The following ADCY5 variants were observed in gnomAD, a reference collection of about 807,000 sequenced individuals.
ADCY5 encodes adenylate cyclase type 5.
Under a neutral mutation model 119.7 loss-of-function variants are expected in ADCY5, and 30 were observed. That is an observed-to-expected ratio of 0.25 (90% CI 0.19 to 0.34). ADCY5 has a LOEUF of 0.34. Ranked by LOEUF, ADCY5 falls within the 10% of genes least tolerant of loss-of-function variation. The pLI is 1.00. For synonymous variants in ADCY5, 753 were observed against 762.2 expected, an observed-to-expected ratio of 0.99 and a Z score of 0.20; for missense variants, 1,324 against 1,775.2, an observed-to-expected ratio of 0.75 and a Z score of 4.57.
intron 2 of ADCY5, among the ~76,000 whole-genome samples, chr3:123,349,773 G>C (rs946953167): frequency 6.6e-6 from 1 of 152,120 alleles, no homozygotes; most frequent in African/African-American, 2.4e-5. Context: ...TTGCCGCCCA[G>C]GCCACCTTCA....
intron 1 of ADCY5, among the ~76,000 whole-genome samples, chr3:123,442,605 A>G (rs975817755): frequency 4.6e-5 from 7 of 152,234 alleles, no homozygotes; most frequent in Admixed American, 4.6e-4. Flanking sequence ...CCCACAGCAC[A>G]CAGAACTCAT....
At position 123,448,302 on chromosome 3, in the gene ADCY5, G is replaced by A. The variant is rs1261754830; in HGVS notation, c.244C>T (p.Pro82Ser). Residue 82 changes from proline (P) to serine (S), a missense_variant, in exon 1 of 21, where the codon CCG (proline) becomes TCG (serine). Pro to Ser is a moderately conservative substitution (Grantham distance 74). Transcript: ENST00000462833. ...RWRSDDDDDP[P>S]LSGDDPLAGG... ...GCCAGGGGGTCGTCACCGCTCAGCGGAGGATCGTCGTCGTCGTCGCTGCGC... is the reference window on the plus strand; with the variant it reads ...GCCAGGGGGTCGTCACCGCTCAGCGAAGGATCGTCGTCGTCGTCGCTGCGC... 22 of 1,540,766 alleles carry A rather than the reference G, an allele frequency of 1.4e-5. No homozygotes were observed. Among genetic ancestry groups the A allele is most frequent in the Non-Finnish European group, 1.8e-5 (21 of 1,154,364 alleles).
At chr3:123,349,002 C>T (rs1053401226) in intron 2 of ADCY5, among the ~76,000 whole-genome samples, 1 of 152,184 alleles carries the variant, frequency 6.6e-6, no homozygotes, top group Non-Finnish European at 1.5e-5. Context: ...CCTCTGTCCT[C>T]GCCCCATTCA....
intron 11 of ADCY5, among the ~76,000 whole-genome samples, chr3:123,316,607 C>T (rs965526203): frequency 6.6e-5 from 10 of 152,126 alleles, no homozygotes; most frequent in Non-Finnish European, 1.5e-4. Context: ...GTACTGGCTT[C>T]GGGGACTCTT....
rs57503913 is a variant in ADCY5, at chr3:123,439,076, C to CTTTTTTTTTTTTTTTTTTTTT, written c.1134+8335_1134+8336insAAAAAAAAAAAAAAAAAAAAA. On this transcript the variant is annotated intron_variant, in intron 1 of 20. Transcript: ENST00000462833. ...CCCACTGTGCCCAGACCCTAAAGTGCTTTTTTTTTTGAGATGGAGTCTCGC... is the reference window on the plus strand; with the variant it reads ...CCCACTGTGCCCAGACCCTAAAGTGCTTTTTTTTTTTTTTTTTTTTTTTTTTTTTTTGAGATGGAGTCTCGC... 1.7e-3 allele frequency among the ~76,000 whole-genome samples: 108 copies of CTTTTTTTTTTTTTTTTTTTTT among 64,732 alleles called. 31 individuals are homozygous for CTTTTTTTTTTTTTTTTTTTTT. The highest frequency in any genetic ancestry group is 1.8e-3 in the Non-Finnish European group (68 of 38,556). 42.5% of individuals were successfully genotyped at this position (64,732 alleles called of 152,430 possible).
intron 8 of ADCY5, 110 bp downstream of exon 8, chr3:123,325,212 G>T: frequency 7.2e-7 from 1 of 1,393,800 alleles, no homozygotes; most frequent in Non-Finnish European, 9.8e-7. Context: ...TGCTTGTGTG[G>T]CTCCCCAGAT....
rs1244373091 is a variant in ADCY5, at chr3:123,408,386, G to A, written c.1134+39026C>T. ...TTAAAGGCAGACGTTGGCCGGGCACGGTGGCTCACGCCTGTAATCCAAGCA... is the reference window on the plus strand; with the variant it reads ...TTAAAGGCAGACGTTGGCCGGGCACAGTGGCTCACGCCTGTAATCCAAGCA... On this transcript the variant is annotated intron_variant, in intron 1 of 20. Transcript: ENST00000462833. Among the ~76,000 whole-genome samples, 6 of 150,980 alleles carry A rather than the reference G, an allele frequency of 4.0e-5. No individual in the cohort carries two copies. In the East Asian group the frequency reaches 1.2e-3, roughly 29 times the overall value.
chr3:123,343,886 C>T (rs2108461416), intron 3 of ADCY5, among the ~76,000 whole-genome samples: 1 of 152,314 alleles, frequency 6.6e-6, no homozygotes, highest in African/African-American at 2.4e-5. Context: ...CCATTTGTCA[C>T]CACACGTCAG....
intron 1 of ADCY5, among the ~76,000 whole-genome samples, chr3:123,363,600 G>C (rs1200122326): frequency 6.6e-6 from 1 of 152,138 alleles, no homozygotes; most frequent in Non-Finnish European, 1.5e-5. Flanking sequence ...AAAAACTAGA[G>C]AACAGTTAAA....
intron 11 of ADCY5, 42 bp from the exon 12 acceptor site, chr3:123,314,364 G>T: frequency 6.6e-7 from 1 of 1,518,770 alleles, no homozygotes; most frequent in South Asian, 1.2e-5. Context: ...AGGCTCAGGT[G>T]GCAGGGCTGC....
rs757508701 is a variant in ADCY5, at chr3:123,447,544, G to A, written c.1002C>T (p.Phe334=). The A allele has an allele frequency of 6.2e-7, 1 of 1,609,964 alleles. No individual in the cohort carries two copies. The highest frequency in any genetic ancestry group is 1.1e-5 in the South Asian group (1 of 90,942). Reference sequence around the variant, plus strand: ...GCAGCGTGTAGATGGTGTAGATGAAGAACACGGTCCACCAGATGCCCTCAG... The same window carrying A: ...GCAGCGTGTAGATGGTGTAGATGAAAAACACGGTCCACCAGATGCCCTCAG... ...SASEGIWWTV[F]FIYTIYTLLP... Residue 334 remains phenylalanine, a synonymous_variant, in exon 1 of 21, where the codon TTC becomes TTT. Transcript: ENST00000462833.
At chr3:123,421,237 T>G (rs1276864750) in intron 1 of ADCY5, among the ~76,000 whole-genome samples, 3 of 152,128 alleles carry the variant, frequency 2.0e-5, no homozygotes, top group Non-Finnish European at 4.4e-5. Context: ...CTTCGTAGGG[T>G]TTACCAGGTG....
intron 3 of ADCY5, among the ~76,000 whole-genome samples, chr3:123,345,271 C>T (rs1436196352): frequency 6.6e-6 from 1 of 152,198 alleles, no homozygotes; most frequent in African/African-American, 2.4e-5. Flanking sequence ...TGAGAGAGGG[C>T]AAGAACTGGG....
At chr3:123,443,119 G>C (rs1221140418) in intron 1 of ADCY5, among the ~76,000 whole-genome samples, 1 of 152,238 alleles carries the variant, frequency 6.6e-6, no homozygotes, top group African/African-American at 2.4e-5. Context: ...TGATCCACCA[G>C]ACAGGCCTCT....
intron 1 of ADCY5, among the ~76,000 whole-genome samples, chr3:123,429,903 C>T (rs995612550): frequency 3.3e-5 from 5 of 152,274 alleles, no homozygotes; most frequent in South Asian, 2.1e-4. Flanking sequence ...CCTGCCCCAA[C>T]GGCTGCCCTG....
intron 3 of ADCY5, among the ~76,000 whole-genome samples, chr3:123,336,551 C>T (rs1942035291): frequency 6.6e-6 from 1 of 152,200 alleles, no homozygotes; most frequent in Admixed American, 6.5e-5. Flanking sequence ...GAAAAAGTCC[C>T]CTAATCTAGC....
At chr3:123,288,762 A>C (rs1938946817) in intron 19 of ADCY5, among the ~76,000 whole-genome samples, 1 of 152,208 alleles carries the variant, frequency 6.6e-6, no homozygotes, top group Non-Finnish European at 1.5e-5. Flanking sequence ...AAAAAGAAAA[A>C]TACATATGTT....
intron 1 of ADCY5, among the ~76,000 whole-genome samples, chr3:123,426,295 T>G (rs528345297): frequency 4.8e-5 from 1 of 20,816 alleles, no homozygotes; most frequent in Admixed American, 6.2e-4. Flanking sequence ...TTCTTTTCTT[T>G]TGTGTTTTTT....
intron 12 of ADCY5, 83 bp downstream of exon 12, chr3:123,314,152 C>A: frequency 8.7e-7 from 1 of 1,147,050 alleles, no homozygotes; most frequent in Non-Finnish European, 1.3e-6. Flanking sequence ...GGCCCCTTCA[C>A]ATTTTGGGCC....
Sources: gnomAD v4.1 joint callset for allele counts (sites outside exome capture counted in the v4.1 genomes callset) on GRCh38, gnomAD v4.1.1 for gene constraint, MANE v1.5 for transcripts, NCBI Gene and HGNC (gene_info 2026-07-23, HGNC 2026-07-21) for gene names.